KIF21A: variants seen among roughly 807,000 people sequenced by gnomAD.
The protein encoded by KIF21A is kinesin family member 21A.
In KIF21A, 114 loss-of-function variants were observed where a neutral mutation model predicts 202.9. That is an observed-to-expected ratio of 0.56 (90% CI 0.48 to 0.66). The LOEUF (loss-of-function observed/expected upper bound fraction) is 0.66. KIF21A is among the 30% of genes least tolerant of loss of function. KIF21A has a pLI of 0.00. For synonymous variants in KIF21A, 667 were observed against 670.8 expected (o/e 0.99, Z 0.09); for missense variants, 1,677 against 1,994.9 (o/e 0.84, Z 3.04).
In KIF21A at chr12:39,309,785, A is replaced by G; in HGVS notation, c.4097-19T>C. On this transcript the variant is annotated intron_variant, in intron 32 of 37. Transcript: ENST00000361418. ...GTACGATCTAAAACAAACACATAAA[A>G]AAAAGAAAACACCATTAATATGAAC... 6.2e-7 allele frequency: 1 copy of G among 1,606,664 alleles called. No individual in the cohort carries two copies. The highest frequency in any genetic ancestry group is 8.5e-7 in the Non-Finnish European group (1 of 1,175,676).
chr12:39,387,669 T>A (rs1372310014), intron 1 of KIF21A, among the ~76,000 whole-genome samples: 1 of 152,126 alleles, frequency 6.6e-6, no homozygotes, highest in Non-Finnish European at 1.5e-5. Context: ...GTATATTGGA[T>A]CCGTATGTGG....
intron 31 of KIF21A, among the ~76,000 whole-genome samples, chr12:39,312,989 A>G (rs1944178175): frequency 6.6e-6 from 1 of 151,996 alleles, no homozygotes; most frequent in Admixed American, 6.6e-5. Context: ...GGATAAAGGA[A>G]AACTGTTTTG....
chr12:39,412,840 G>A (rs1361966491), intron 1 of KIF21A, among the ~76,000 whole-genome samples: 1 of 152,146 alleles, frequency 6.6e-6, no homozygotes, highest in Non-Finnish European at 1.5e-5. Context: ...AGCCCTCAAA[G>A]ATATGATACT....
chr12:39,394,751 A>T (rs933246361), intron 1 of KIF21A, among the ~76,000 whole-genome samples: 2 of 152,120 alleles, frequency 1.3e-5, no homozygotes, highest in African/African-American at 4.8e-5. Context: ...ATTGCCTTTG[A>T]TTCTCACAGC....
At chr12:39,337,405 T>C (rs924393420) in intron 16 of KIF21A, 1 of 551,006 alleles carries the variant, frequency 1.8e-6, no homozygotes. Flanking sequence ...TTAAATTGCT[T>C]AGTATTCTAT....
At chr12:39,356,923 T>G in intron 9 of KIF21A, 28 bp from the exon 10 acceptor site, 1 of 1,107,288 alleles carries the variant, frequency 9.0e-7, no homozygotes. Context: ...AAATAAAAAT[T>G]TTCCTTTAAA....
At chr12:39,294,660 T>C in intron 37 of KIF21A, 143 bp from the exon 38 acceptor site, 1 of 666,952 alleles carries the variant, frequency 1.5e-6, no homozygotes, top group South Asian at 1.8e-5. Flanking sequence ...CTCATTTATA[T>C]AGCAAACACA....
intron 1 of KIF21A, among the ~76,000 whole-genome samples, chr12:39,407,788 C>T (rs1952717615): frequency 6.6e-6 from 1 of 152,094 alleles, no homozygotes; most frequent in Non-Finnish European, 1.5e-5. Flanking sequence ...TTCACAATGA[C>T]TCTCAATCTC....
intron 1 of KIF21A, among the ~76,000 whole-genome samples, chr12:39,420,074 T>TAAAAAAAAAA (rs72435342): frequency 1.2e-5 from 1 of 83,128 alleles, no homozygotes; most frequent in Non-Finnish European, 2.4e-5. Flanking sequence ...AGACAGAAAG[T>TAAAAAAAAAA]AAAAAAAAAA....
At chr12:39,371,164 A>C (rs893842336) in intron 1 of KIF21A, among the ~76,000 whole-genome samples, 4 of 152,180 alleles carry the variant, frequency 2.6e-5, no homozygotes, top group Non-Finnish European at 5.9e-5. Flanking sequence ...TATTTTTCTG[A>C]ATATTTTCAA....
At chr12:39,390,642 C>A (rs994248605) in intron 1 of KIF21A, among the ~76,000 whole-genome samples, 2 of 151,632 alleles carry the variant, frequency 1.3e-5, no homozygotes, top group Non-Finnish European at 2.9e-5. Context: ...TAATGTATAA[C>A]CTACAAAAGA....
intron 1 of KIF21A, among the ~76,000 whole-genome samples, chr12:39,410,329 G>A (rs1320966225): frequency 6.6e-6 from 1 of 152,104 alleles, no homozygotes; most frequent in African/African-American, 2.4e-5. Context: ...TAAGTTTGTG[G>A]TAACTTGTTA....
intron 11 of KIF21A, 30 bp downstream of exon 11, chr12:39,351,747 A>ACT (rs1374611562): frequency 3.1e-6 from 4 of 1,293,520 alleles, no homozygotes; most frequent in Non-Finnish European, 2.2e-6. Flanking sequence ...GGAAATAGAG[A>ACT]TTCATTTAGT....
intron 11 of KIF21A, among the ~76,000 whole-genome samples, chr12:39,350,900 C>T (rs550059920): frequency 3.9e-5 from 6 of 152,120 alleles, no homozygotes; most frequent in South Asian, 2.1e-4. Flanking sequence ...GTAGGCTAAA[C>T]GTCTACATCA....
intron 1 of KIF21A, among the ~76,000 whole-genome samples, chr12:39,424,339 C>A (rs747367971): frequency 1.3e-5 from 2 of 152,096 alleles, no homozygotes; most frequent in Non-Finnish European, 2.9e-5. Context: ...CTCTTCTTGG[C>A]CTATAAATAT....
At chr12:39,312,024 T>C (rs904798150) in intron 31 of KIF21A, 1 of 154,424 alleles carries the variant, frequency 6.5e-6, no homozygotes, top group Non-Finnish European at 1.4e-5. Flanking sequence ...AAATTGAAGA[T>C]AGGAATAATT....
At chr12:39,358,424 C>T in intron 7 of KIF21A, 51 bp from the exon 8 acceptor site, 15 of 1,460,670 alleles carry the variant, frequency 1.0e-5, no homozygotes, top group Non-Finnish European at 1.4e-5. Flanking sequence ...ACCTAAAATG[C>T]TAAAATAATC....
At position 39,333,060 on chromosome 12, in the gene KIF21A, A is replaced by G. The variant is rs148166854; in HGVS notation, c.2535T>C (p.Ala845=). ...RQVRPMSDKV[A]GKVTRKLSSS... is the part of the protein sequence containing the mutation. ...AACTCAGCTTCCGAGTAACTTTCCCAGCCACTTTATCTGACATGGGTCTTA... is the reference window on the plus strand; with the variant it reads ...AACTCAGCTTCCGAGTAACTTTCCCGGCCACTTTATCTGACATGGGTCTTA... Residue 845 remains alanine, a synonymous_variant, in exon 19 of 38, where the codon GCT becomes GCC. Transcript: ENST00000361418. 21 of 1,613,946 alleles carry G rather than the reference A, an allele frequency of 1.3e-5. No homozygotes were observed. In the African/African-American group the frequency reaches 2.7e-4, roughly 21 times the overall value.
Position 39,340,237 on chromosome 12 carries a change from A to C in KIF21A, c.2238T>G (p.Leu746=), listed in dbSNP as rs776557871. The part of the protein sequence containing the change: ...QAAQKEHARL[L]KNQSQYEKQL... Reference sequence around the variant, plus strand: ...GCTTTTCATACTGAGACTGATTTTTAAGCAACCTTGCATGTTCTTTTTGAG... The same window carrying C: ...GCTTTTCATACTGAGACTGATTTTTCAGCAACCTTGCATGTTCTTTTTGAG... The change falls in exon 16 of 38, where the codon CTT becomes CTG. Residue 746 remains leucine, a synonymous_variant. Coordinates refer to ENST00000361418, the MANE Select transcript of KIF21A (RefSeq NM_001173464.2). The C allele has an allele frequency of 3.7e-6, 6 of 1,612,942 alleles. No individual in the cohort carries two copies. The highest frequency in any genetic ancestry group is 2.7e-5 in the African/African-American group (2 of 74,844).
Sources: allele counts gnomAD v4.1 joint callset (sites outside exome capture counted in the v4.1 genomes callset), GRCh38; gene constraint gnomAD v4.1.1; transcripts MANE v1.5; gene names NCBI Gene and HGNC (gene_info 2026-07-23, HGNC 2026-07-21).